Variants in CES5A observed in about 807,000 individuals in gnomAD.
CES5A encodes carboxylesterase 5.
Under a neutral mutation model 62.9 loss-of-function variants are expected in CES5A, and 67 were observed. The ratio of observed to expected loss-of-function variants is 1.07; its 90% CI spans 0.88 to 1.31. The LOEUF (loss-of-function observed/expected upper bound fraction) is 1.31, where lower values mean the gene tolerates loss of function less well. CES5A is among the 50% of genes most tolerant of loss of function. The pLI is 0.00. For missense variants in CES5A, 748 were observed against 708.5 expected (o/e 1.06, Z -0.63); for synonymous variants, 296 against 280.8 (o/e 1.05, Z -0.54).
chr16:55,894,758 C>T, intron 1 of CES5A, among the ~76,000 whole-genome samples: 1 of 152,122 alleles, frequency 6.6e-6, no homozygotes, highest in South Asian at 2.1e-4. Flanking sequence ...GCATTTTTGG[C>T]ACCCTCTTCC....
chr16:55,849,298 G>A (rs931048986), intron 11 of CES5A, among the ~76,000 whole-genome samples: 6 of 151,992 alleles, frequency 3.9e-5, no homozygotes, highest in African/African-American at 1.2e-4. Flanking sequence ...GGGAAGGGGA[G>A]GGAGGGTAAG....
chr16:55,854,533 T>TTTTTTTTTC (rs1567324433), intron 9 of CES5A, among the ~76,000 whole-genome samples: 103 of 12,326 alleles, frequency 8.4e-3, no homozygotes, highest in East Asian at 0.039. Context: ...TAGTGTTTCT[T>TTTTTTTTTC]TTTTTTTTTT....
At chr16:55,938,815 T>TATAC (rs1288759782) in intron 2 of CES5A, among the ~76,000 whole-genome samples, 1 of 100,186 alleles carries the variant, frequency 1.0e-5, no homozygotes, top group African/African-American at 3.8e-5. Flanking sequence ...TATATATATA[T>TATAC]ACACACACAT....
rs371106486 is a variant in CES5A, at chr16:55,932,926, C to T, written c.160+16859G>A. ...GGACATTAATTAGGTGACTATTCCACAAAATTTGGCAATGATGATGGAAGT... is the reference window on the plus strand; with the variant it reads ...GGACATTAATTAGGTGACTATTCCATAAAATTTGGCAATGATGATGGAAGT... On this transcript the variant is annotated intron_variant, in intron 2 of 13. Transcript: ENST00000521992. Among the ~76,000 whole-genome samples, 48 of 152,256 alleles carry T rather than the reference C, an allele frequency of 3.2e-4. No individual in the cohort carries two copies. The South Asian group carries it at 7.3e-3, about 23-fold the overall frequency.
At position 55,866,070 on chromosome 16, in the gene CES5A, C is replaced by T; in HGVS notation, c.598G>A (p.Val200Met). 6.2e-7 allele frequency: 1 copy of T among 1,614,120 alleles called. No homozygotes were observed. The highest frequency in any genetic ancestry group is 1.1e-5 in the South Asian group (1 of 91,070). The change falls in exon 5 of 13, where the codon GTG (valine) becomes ATG (methionine). Residue 200 changes from valine to methionine, a missense_variant. Val to Met is a conservative substitution (Grantham distance 21, BLOSUM62 1). Coordinates refer to ENST00000290567, the MANE Select transcript of CES5A (RefSeq NM_001143685.2). ...TTCTGGACCCAGGACAGAGCAGCCA[C>T]CTGGTCCTTGAAGGCCCAGTTCCCC... The part of the protein sequence containing the change: ...APGNWAFKDQ[V>M]AALSWVQKNI...
chr16:55,894,520 A>G (rs2033913004), intron 1 of CES5A, among the ~76,000 whole-genome samples: 1 of 151,444 alleles, frequency 6.6e-6, no homozygotes. Flanking sequence ...AAAAAAGAAA[A>G]GAAAAGAAAA....
intron 2 of CES5A, among the ~76,000 whole-genome samples, chr16:55,933,004 T>C (rs1259914996): frequency 2.6e-5 from 4 of 152,246 alleles, no homozygotes; most frequent in Non-Finnish European, 5.9e-5. Context: ...ATAAATCTGA[T>C]ATCTCAGTAG....
chr16:55,849,080 T>C (rs2033075887), intron 11 of CES5A, among the ~76,000 whole-genome samples: 1 of 152,240 alleles, frequency 6.6e-6, no homozygotes. Context: ...ATCTTCCCTG[T>C]AATTTTTTTC....
At chr16:55,940,944 A>G (rs1229182132) in intron 2 of CES5A, among the ~76,000 whole-genome samples, 4 of 151,840 alleles carry the variant, frequency 2.6e-5, no homozygotes, top group African/African-American at 9.7e-5. Flanking sequence ...GACAAAATGC[A>G]ACAATTCATG....
At position 55,860,176 on chromosome 16, in the gene CES5A, G is replaced by C. The variant is rs540245815; in HGVS notation, c.916-489C>G. Among the ~76,000 whole-genome samples the C allele has an allele frequency of 1.4e-4, 21 of 152,242 alleles. No individual in the cohort carries two copies. In the South Asian group the frequency reaches 4.4e-3, roughly 32 times the overall value. ...AAGCTTTTTTTTTGCCCACCACCAT[G>C]TAAGATGTGCCTTTGCTCTTCCTTC... On this transcript the variant is annotated intron_variant, in intron 7 of 12. Coordinates refer to ENST00000290567, the MANE Select transcript of CES5A (RefSeq NM_001143685.2).
chr16:55,889,907 A>G lies in CES5A; in HGVS notation c.-255-15870T>C, dbSNP rs141140505. Among the ~76,000 whole-genome samples the G allele has an allele frequency of 5.8e-4, 89 of 152,304 alleles. 1 individual carries two copies. The highest frequency in any genetic ancestry group is 2.1e-3 in the African/African-American group (88 of 41,550). On this transcript the variant is annotated intron_variant, in intron 1 of 12. Coordinates refer to the CES5A transcript ENST00000518005. Reference sequence around the variant, plus strand: ...TTAGGAGCTTTAGGTTAGGAAATGAAGGATGAAGATCACTTATATATTTCA... The same window carrying G: ...TTAGGAGCTTTAGGTTAGGAAATGAGGGATGAAGATCACTTATATATTTCA...
chr16:55,893,141 A>G (rs763422233), intron 1 of CES5A, among the ~76,000 whole-genome samples: 3 of 152,202 alleles, frequency 2.0e-5, no homozygotes, highest in Non-Finnish European at 2.9e-5. Context: ...GAAATTTTGT[A>G]TATTCACAAT....
At chr16:55,895,439 G>A (rs565701670) in intron 1 of CES5A, among the ~76,000 whole-genome samples, 28 of 152,328 alleles carry the variant, frequency 1.8e-4, no homozygotes, top group Non-Finnish European at 2.9e-4. Flanking sequence ...TTTGGCACAC[G>A]GAGTCAAAGG....
At chr16:55,871,871 G>A in intron 2 of CES5A, 108 bp from the exon 3 acceptor site, 1 of 1,123,778 alleles carries the variant, frequency 8.9e-7, no homozygotes, top group South Asian at 1.5e-5. Flanking sequence ...CTCTGCCTGA[G>A]CAGAAGAGGC....
chr16:55,933,121 C>T (rs2142470940), intron 2 of CES5A, among the ~76,000 whole-genome samples: 1 of 152,296 alleles, frequency 6.6e-6, no homozygotes, highest in South Asian at 2.1e-4. Context: ...AATACATGGC[C>T]TTCAAGGCCT....
At chr16:55,863,486 T>C (rs750449377) in intron 5 of CES5A, 34 bp from the exon 6 acceptor site, 1 of 1,066,638 alleles carries the variant, frequency 9.4e-7, no homozygotes, top group African/African-American at 1.6e-5. Flanking sequence ...CAGGAAAGGT[T>C]ACTCCCCACC....
chr16:55,909,595 C>CACACA (rs773622111), intron 1 of CES5A, among the ~76,000 whole-genome samples: 1 of 151,892 alleles, frequency 6.6e-6, no homozygotes, highest in Non-Finnish European at 1.5e-5. Flanking sequence ...CACACACACA[C>CACACA]ATGTCTGGAG....
chr16:55,898,955 A>C (rs966578249), intron 1 of CES5A, among the ~76,000 whole-genome samples: 1 of 152,134 alleles, frequency 6.6e-6, no homozygotes, highest in Non-Finnish European at 1.5e-5. Flanking sequence ...GTAGATGAGG[A>C]AGGAGAGGTT....
upstream of CES5A, among the ~76,000 whole-genome samples, chr16:55,877,420 G>C (rs534768984): frequency 1.3e-5 from 2 of 148,150 alleles, no homozygotes; most frequent in Non-Finnish European, 3.0e-5. Flanking sequence ...GTGTGTGTGT[G>C]TATATATATA....
Sources: gnomAD v4.1 joint callset for allele counts (sites outside exome capture counted in the v4.1 genomes callset) on GRCh38, gnomAD v4.1.1 for gene constraint, MANE v1.5 for transcripts, NCBI Gene and HGNC (gene_info 2026-07-23, HGNC 2026-07-21) for gene names.